TMEM202: variants seen among roughly 807,000 people sequenced by gnomAD.
The protein encoded by TMEM202 is transmembrane protein 202.
In TMEM202, 25 loss-of-function variants were observed where a neutral mutation model predicts 26.1. That is an observed-to-expected ratio of 0.96 (90% CI 0.70 to 1.34). The LOEUF is 1.34. TMEM202 is among the 40% of genes most tolerant of loss of function. The probability of loss-of-function intolerance (pLI) is 0.00; values close to 1 mark genes in which losing one functional copy is unlikely to be tolerated. For missense variants in TMEM202, 301 were observed against 327.7 expected (o/e 0.92, Z 0.63); for synonymous variants, 122 against 119.0 (o/e 1.02, Z -0.16).
chr15:72,398,510 T>A, intron 1 of TMEM202, 103 bp downstream of exon 1: 1 of 1,414,632 alleles, frequency 7.1e-7, no homozygotes. Flanking sequence ...CCCTGAAAAT[T>A]GTGGGGTTTT....
At chr15:72,406,140 T>A (rs2063569851) in intron 2 of TMEM202, among the ~76,000 whole-genome samples, 1 of 151,874 alleles carries the variant, frequency 6.6e-6, no homozygotes, top group Non-Finnish European at 1.5e-5. Flanking sequence ...CATATATTCT[T>A]AAGAAAAAAA....
Position 72,399,161 on chromosome 15 carries a change from C to T in TMEM202, c.337+253C>T, listed in dbSNP as rs557253466. On this transcript the variant is annotated intron_variant, in intron 2 of 4. Transcript: ENST00000341689. ...TTGTTTGTTGGTTGGTTTTTCGAGA[C>T]AGGCTCTTGCTCTAACGCCTAGCCG... Among the ~76,000 whole-genome samples, 3 of 152,274 alleles carry T rather than the reference C, an allele frequency of 2.0e-5. No individual in the cohort carries two copies. The South Asian group carries it at 6.2e-4, about 32-fold the overall frequency.
At chr15:72,398,516 GT>G (rs200172705) in intron 1 of TMEM202, 109 bp downstream of exon 1, 146,348 of 1,002,738 alleles carry the variant, frequency 0.15, 380 homozygotes, top group East Asian at 0.24. Context: ...AAATTGTGGG[GT>G]TTTTTTTTTT....
chr15:72,402,155 G>A (rs372595367), intron 2 of TMEM202, among the ~76,000 whole-genome samples: 40 of 152,146 alleles, frequency 2.6e-4, no homozygotes, highest in African/African-American at 9.6e-4. Flanking sequence ...TAGTAGAGAT[G>A]GGGTTTCACC....
chr15:72,398,709 G>A lies in TMEM202; in HGVS notation c.138G>A (p.Gln46=), dbSNP rs1257734354. 6.2e-7 allele frequency: 1 copy of A among 1,614,206 alleles called. No individual in the cohort carries two copies. Among genetic ancestry groups the A allele is most frequent in the East Asian group, 2.2e-5 (1 of 44,880 alleles). Residue 46 remains glutamine (Q), a synonymous_variant, in exon 2 of 5, where the codon CAG becomes CAA. Coordinates refer to ENST00000341689, the MANE Select transcript of TMEM202 (RefSeq NM_001080462.3). ...CCTCGATGTCATGCCAAAGGCAGCA[G>A]CAGCTTATGGATCAGGCACACATCT... The part of the protein sequence containing the change: ...PSASMSCQRQ[Q]QLMDQAHIYI...
chr15:72,402,917 C>A (rs554184967), intron 2 of TMEM202, among the ~76,000 whole-genome samples: 2 of 152,272 alleles, frequency 1.3e-5, no homozygotes, highest in South Asian at 4.2e-4. Flanking sequence ...TCCAAAACCA[C>A]CCACTTGGGG....
At chr15:72,399,920 G>A (rs546085574) in intron 2 of TMEM202, among the ~76,000 whole-genome samples, 2 of 152,244 alleles carry the variant, frequency 1.3e-5, no homozygotes, top group African/African-American at 4.8e-5. Context: ...CATAAGCAGG[G>A]GTCCCATCTA....
At chr15:72,398,988 T>G in intron 2 of TMEM202, 80 bp downstream of exon 2, 1 of 1,521,818 alleles carries the variant, frequency 6.6e-7, no homozygotes, top group Non-Finnish European at 8.8e-7. Context: ...CCTTCATGTT[T>G]CTTCCTCCAA....
Position 72,406,713 on chromosome 15 carries a change from A to G in TMEM202, c.449A>G (p.Asn150Ser), listed in dbSNP as rs1389314973. 1 of 1,613,950 alleles carries G rather than the reference A, an allele frequency of 6.2e-7. No individual in the cohort carries two copies. The highest frequency in any genetic ancestry group is 8.5e-7 in the Non-Finnish European group (1 of 1,180,006). Residue 150 changes from asparagine (N) to serine (S), a missense_variant, in exon 3 of 5, where the codon AAC (asparagine) becomes AGC (serine). Coordinates refer to ENST00000341689, the MANE Select transcript of TMEM202 (RefSeq NM_001080462.3). ...CTTAATCGAGGAAGCATGACCACCA[A>G]CTTGGATCTGAAGGTATCCATGCTC... ...WILNRGSMTT[N>S]LDLKVSMLSF...
intron 2 of TMEM202, among the ~76,000 whole-genome samples, chr15:72,399,180 C>G (rs546173127): frequency 1.3e-5 from 2 of 152,340 alleles, no homozygotes; most frequent in East Asian, 3.9e-4. Flanking sequence ...GCTCTAACGC[C>G]TAGCCGAAGT....
chr15:72,399,480 G>A (rs2063537925), intron 2 of TMEM202, among the ~76,000 whole-genome samples: 1 of 152,190 alleles, frequency 6.6e-6, no homozygotes, highest in Non-Finnish European at 1.5e-5. Flanking sequence ...GCTAAGCAAT[G>A]TGATTGGTAT....
In TMEM202 at chr15:72,408,009, C is replaced by T; in HGVS notation, c.*116C>T. On this transcript the variant is annotated 3_prime_UTR_variant, in exon 5 of 5. Coordinates refer to ENST00000341689, the MANE Select transcript of TMEM202 (RefSeq NM_001080462.3). ...ATGTCCATATTACTTGAGGAGACAG[C>T]ATTAAAGCTGATGAAATGTCTTTTG... 1 of 778,722 alleles carries T rather than the reference C, an allele frequency of 1.3e-6. No individual in the cohort carries two copies. Among genetic ancestry groups the T allele is most frequent in the Non-Finnish European group, 2.0e-6 (1 of 493,432 alleles). The allele number at this position is 778,722 out of a possible 1,614,324, so 48.2% of individuals were successfully genotyped here. A position where few individuals can be genotyped will look rare whatever the true frequency, so the allele number is the denominator to read the frequency against.
rs773048849 is a variant in TMEM202, at chr15:72,398,348, A to G, written c.22A>G (p.Thr8Ala). 9 of 1,613,492 alleles carry G rather than the reference A, an allele frequency of 5.6e-6. No homozygotes were observed. In the South Asian group the frequency reaches 8.8e-5, roughly 16 times the overall value. Residue 8 changes from threonine (T) to alanine (A), a missense_variant, in exon 1 of 5, where the codon ACC becomes GCC. Coordinates refer to ENST00000341689, the MANE Select transcript of TMEM202 (RefSeq NM_001080462.3). ...CAAGATGGAGCGAAGGGAACATTTA[A>G]CCTTGACTTTCCACAGTCCTGAGGT... Reference protein sequence around the residue: MERREHLTLTFHSPEVPK... With the variant: MERREHLALTFHSPEVPK...
At chr15:72,402,217 C>T (rs749834395) in intron 2 of TMEM202, among the ~76,000 whole-genome samples, 7 of 152,160 alleles carry the variant, frequency 4.6e-5, no homozygotes, top group East Asian at 1.9e-4. Context: ...CCGCCTGCCT[C>T]GGCCTCCCAA....
At chr15:72,406,198 A>C (rs556723395) in intron 2 of TMEM202, among the ~76,000 whole-genome samples, 12 of 152,184 alleles carry the variant, frequency 7.9e-5, no homozygotes, top group Non-Finnish European at 1.6e-4. Flanking sequence ...AGGGTAGAAA[A>C]ATAAAATATT....
intron 2 of TMEM202, among the ~76,000 whole-genome samples, chr15:72,400,123 T>C (rs896634032): frequency 4.3e-4 from 66 of 152,276 alleles, no homozygotes; most frequent in African/African-American, 1.5e-3. Context: ...TTGCAACAAT[T>C]ATGAAAGATA....
intron 2 of TMEM202, 33 bp from the exon 3 acceptor site, chr15:72,406,569 A>G: frequency 6.2e-7 from 1 of 1,607,280 alleles, no homozygotes; most frequent in African/African-American, 1.3e-5. Flanking sequence ...TCACTGGACT[A>G]ACCACGGTCT....
rs1449300723 is a variant in TMEM202, at chr15:72,407,723, A to C, written c.652A>C (p.Arg218=). 1 of 1,613,932 alleles carries C rather than the reference A, an allele frequency of 6.2e-7. No homozygotes were observed. Among genetic ancestry groups the C allele is most frequent in the Non-Finnish European group, 8.5e-7 (1 of 1,179,880 alleles). ...CTCTCTTCTCAACTACTTAACTTCC[A>C]GATCGCCTGCCTGTGATGAAAACGT... ...IISLLNYLTS[R]SPACDENVTV... The change falls in exon 5 of 5, where the codon AGA becomes CGA. Residue 218 remains arginine (R), a synonymous_variant. Transcript: ENST00000341689.
At position 72,407,885 on chromosome 15, in the gene TMEM202, T is replaced by C. The variant is rs764330843; in HGVS notation, c.814T>C (p.Trp272Arg). 1.9e-6 allele frequency: 3 copies of C among 1,613,200 alleles called. No homozygotes were observed. The change falls in exon 5 of 5, where the codon TGG becomes CGG. Residue 272 changes from tryptophan to arginine, a missense_variant. Transcript: ENST00000341689. ...REKNLPKSGL[W>R]W ...GAAAAATTTACCAAAGTCAGGACTG[T>C]GGTGGTGATAGGAAAACCTAACTAT...
Sources: allele counts gnomAD v4.1 joint callset (sites outside exome capture counted in the v4.1 genomes callset), GRCh38; gene constraint gnomAD v4.1.1; transcripts MANE v1.5; gene names NCBI Gene and HGNC (gene_info 2026-07-23, HGNC 2026-07-21).